The following ERICH6 variants were observed in gnomAD, a reference collection of about 807,000 sequenced individuals.
ERICH6 encodes the protein glutamate rich 6, also known as glutamate-rich protein 6.
ERICH6 carries 71 observed loss-of-function variants against 71.0 expected under a neutral mutation model. The ratio of observed to expected loss-of-function variants is 1.00; its 90% CI spans 0.83 to 1.22. The LOEUF (loss-of-function observed/expected upper bound fraction) is 1.22. ERICH6 is among the 50% of genes most tolerant of loss of function. ERICH6 has a pLI of 0.00. For synonymous variants in ERICH6, 262 were observed against 278.4 expected, an observed-to-expected ratio of 0.94 and a Z score of 0.59; for missense variants, 808 against 797.2, an observed-to-expected ratio of 1.01 and a Z score of -0.16.
chr3:150,686,242 C>G, intron 4 of ERICH6, 56 bp downstream of exon 4: 2 of 1,570,854 alleles, frequency 1.3e-6, no homozygotes, highest in Non-Finnish European at 1.8e-6. Context: ...AAGGTGATTC[C>G]CTTCTGGTAG....
chr3:150,692,304 G>A (rs1285645881), intron 3 of ERICH6, among the ~76,000 whole-genome samples: 2 of 152,106 alleles, frequency 1.3e-5, no homozygotes, highest in Admixed American at 6.5e-5. Flanking sequence ...CTCTCTCAAA[G>A]AATGAAGGTT....
At chr3:150,680,645 G>A in intron 8 of ERICH6, 107 bp from the exon 9 acceptor site, 1 of 1,555,728 alleles carries the variant, frequency 6.4e-7, no homozygotes, top group Non-Finnish European at 8.8e-7. Context: ...TGTTTGATCT[G>A]TTATTACTTG....
intron 3 of ERICH6, among the ~76,000 whole-genome samples, chr3:150,693,438 T>C (rs534944932): frequency 6.6e-6 from 1 of 152,280 alleles, no homozygotes; most frequent in African/African-American, 2.4e-5. Context: ...AATGTCACTT[T>C]CTGACAGGCC....
At chr3:150,677,260 A>G (rs1161450297) in intron 10 of ERICH6, among the ~76,000 whole-genome samples, 1 of 152,088 alleles carries the variant, frequency 6.6e-6, no homozygotes, top group Admixed American at 6.5e-5. Context: ...TAAATTCTAT[A>G]TCTCCCAAGT....
intron 3 of ERICH6, among the ~76,000 whole-genome samples, chr3:150,697,146 C>T (rs895283768): frequency 3.6e-4 from 54 of 152,042 alleles, no homozygotes; most frequent in African/African-American, 8.9e-4. Context: ...ACAACAGATT[C>T]GGTGTGATAC....
chr3:150,700,774 G>C (rs906121670), intron 2 of ERICH6, among the ~76,000 whole-genome samples: 4 of 152,072 alleles, frequency 2.6e-5, no homozygotes, highest in Non-Finnish European at 4.4e-5. Flanking sequence ...AGTAGAGACA[G>C]GGCTTCACTA....
intron 9 of ERICH6, 39 bp downstream of exon 9, chr3:150,680,426 CGTT>C: frequency 6.3e-7 from 1 of 1,582,610 alleles, no homozygotes. Flanking sequence ...AGCTTTCTGA[CGTT>C]GTACAGCTGG....
At chr3:150,665,515 C>CAAAA (rs59227415) in intron 13 of ERICH6, among the ~76,000 whole-genome samples, 26,853 of 63,334 alleles carry the variant, frequency 0.42, 7,207 homozygotes, top group African/African-American at 0.47. Context: ...GACTCCATCT[C>CAAAA]AAAAAAAAAA....
intron 7 of ERICH6, 80 bp from the exon 8 acceptor site, chr3:150,681,010 T>C (rs1011385857): frequency 8.5e-5 from 121 of 1,420,732 alleles, no homozygotes; most frequent in Non-Finnish European, 1.5e-5. Context: ...CTAACAAGGT[T>C]TGGATAACAA....
At chr3:150,667,442 G>C (rs1388141748) in intron 12 of ERICH6, among the ~76,000 whole-genome samples, 3 of 152,176 alleles carry the variant, frequency 2.0e-5, no homozygotes, top group Non-Finnish European at 4.4e-5. Context: ...GTACAAGAGA[G>C]CTGTTTTCTG....
intron 3 of ERICH6, among the ~76,000 whole-genome samples, chr3:150,692,123 T>C (rs776131168): frequency 1.9e-4 from 29 of 152,304 alleles, no homozygotes; most frequent in Non-Finnish European, 2.9e-4. Context: ...TCATGAAGCA[T>C]TAACCAACTC....
intron 13 of ERICH6, among the ~76,000 whole-genome samples, chr3:150,664,562 G>A (rs1727338208): frequency 6.6e-6 from 1 of 151,596 alleles, no homozygotes; most frequent in Non-Finnish European, 1.5e-5. Context: ...CATGAGAATC[G>A]CTTGAACCCG....
At position 150,680,835 on chromosome 3, in the gene ERICH6, G is replaced by T. The variant is rs1414943857; in HGVS notation, c.978C>A (p.Asp326Glu). Residue 326 changes from aspartate (D) to glutamate (E), a missense_variant, in exon 8 of 14, where the codon GAC becomes GAA. This residue lies in a region of ERICH6 where 736 missense variants were observed against 712.2 expected (regional missense o/e 1.03). Coordinates refer to ENST00000295910, the MANE Select transcript of ERICH6 (RefSeq NM_152394.5). ...KPPKAELIAI[D>E]PHAAHGSEVD... The stretch of plus-strand genomic sequence containing the variant: ...CCTCACTACCATGGGCTGCATGAGG[G>T]TCAATAGCAATTAATTCAGCTTTAG... The T allele has an allele frequency of 6.2e-7, 1 of 1,614,070 alleles. No homozygotes were observed. The highest frequency in any genetic ancestry group is 1.1e-5 in the South Asian group (1 of 91,080).
chr3:150,691,334 A>G (rs957765160), intron 3 of ERICH6, among the ~76,000 whole-genome samples: 6 of 152,200 alleles, frequency 3.9e-5, no homozygotes, highest in Non-Finnish European at 8.8e-5. Context: ...AAACATTCTT[A>G]AAAGAAAAGG....
chr3:150,700,282 A>G (rs1192428214), intron 2 of ERICH6, among the ~76,000 whole-genome samples: 1 of 132,916 alleles, frequency 7.5e-6, no homozygotes, highest in South Asian at 2.4e-4. Flanking sequence ...TTTAGTAGAG[A>G]CGAGGTTTCA....
chr3:150,691,112 C>T (rs1310689957), intron 3 of ERICH6, among the ~76,000 whole-genome samples: 1 of 152,162 alleles, frequency 6.6e-6, no homozygotes, highest in Non-Finnish European at 1.5e-5. Flanking sequence ...ATCTTTTTCA[C>T]TGTCTCAGTT....
At chr3:150,666,069 G>A (rs960607648) in intron 13 of ERICH6, among the ~76,000 whole-genome samples, 1 of 152,150 alleles carries the variant, frequency 6.6e-6, no homozygotes, top group Admixed American at 6.5e-5. Flanking sequence ...TATGGATAAG[G>A]AAACTGAAGT....
chr3:150,677,736 A>G (rs1235475513), intron 10 of ERICH6, among the ~76,000 whole-genome samples: 3 of 152,134 alleles, frequency 2.0e-5, no homozygotes, highest in Non-Finnish European at 4.4e-5. Context: ...GATTCCAGCA[A>G]TCCGCCTGCT....
chr3:150,703,899 G>A lies in ERICH6; in HGVS notation c.-1C>T, dbSNP rs960255859. On this transcript the variant is annotated 5_prime_UTR_variant, in exon 1 of 14. Coordinates refer to ENST00000295910, the MANE Select transcript of ERICH6 (RefSeq NM_152394.5). ...CGCTAGGCGAGCGCAAGTGGGCCAT[G>A]GCTGGCGGGAGGCGGGATTACAGCC... 1 of 1,613,540 alleles carries A rather than the reference G, an allele frequency of 6.2e-7. No homozygotes were observed. The highest frequency in any genetic ancestry group is 1.3e-5 in the African/African-American group (1 of 74,934).
Sources: allele counts gnomAD v4.1 joint callset (sites outside exome capture counted in the v4.1 genomes callset), GRCh38; gene constraint gnomAD v4.1.1; regional missense constraint gnomAD v4.1.1; transcripts MANE v1.5; gene names NCBI Gene and HGNC (gene_info 2026-07-23, HGNC 2026-07-21).